Variants in DAB1 observed in about 807,000 individuals in gnomAD.
DAB1 encodes the protein DAB adaptor protein 1.
A neutral mutation model predicts 64.6 loss-of-function variants in DAB1; 15 were observed. The ratio of observed to expected loss-of-function variants is 0.23; its 90% confidence interval spans 0.16 to 0.36. DAB1 has a LOEUF of 0.36. Among genes scored for constraint, DAB1 ranks in the 10% least tolerant of loss-of-function variants. The pLI is 1.00. For synonymous variants in DAB1, 235 were observed against 251.9 expected (o/e 0.93, Z 0.64); for missense variants, 596 against 706.7 (o/e 0.84, Z 1.78).
At chr1:58,128,843 G>A (rs1331012633) in intron 5 of DAB1, among the ~76,000 whole-genome samples, 12 of 149,710 alleles carry the variant, frequency 8.0e-5, no homozygotes, top group African/African-American at 3.0e-4. Context: ...TTGATGTGCT[G>A]CTGGATTTGT....
At chr1:57,199,074 A>C (rs781303493) in intron 2 of DAB1, among the ~76,000 whole-genome samples, 1 of 152,172 alleles carries the variant, frequency 6.6e-6, no homozygotes, top group African/African-American at 2.4e-5. Context: ...AAATTTTTCC[A>C]ACAGGAACCT....
chr1:57,875,706 T>C (rs773198030), intron 1 of DAB1, among the ~76,000 whole-genome samples: 19 of 152,282 alleles, frequency 1.2e-4, no homozygotes, highest in East Asian at 9.6e-4. Context: ...AAAGAATAAA[T>C]GAATGAACTG....
chr1:57,069,652 T>C (rs1443428611), intron 7 of DAB1, among the ~76,000 whole-genome samples: 1 of 152,216 alleles, frequency 6.6e-6, no homozygotes, highest in Non-Finnish European at 1.5e-5. Flanking sequence ...CAGCAGTGAT[T>C]GCATCGAGCC....
chr1:58,078,964 G>A (rs1313792715), intron 5 of DAB1, among the ~76,000 whole-genome samples: 1 of 152,156 alleles, frequency 6.6e-6, no homozygotes, highest in East Asian at 1.9e-4. Flanking sequence ...ACTGGCCAAG[G>A]CCATCTGGAG....
chr1:58,536,587 T>C (rs760905670), intron 1 of DAB1: 35 of 872,782 alleles, frequency 4.0e-5, no homozygotes, highest in Middle Eastern at 2.2e-4. Context: ...CTTCCTGTGA[T>C]TGGACTTACT....
intron 4 of DAB1, among the ~76,000 whole-genome samples, chr1:57,119,912 C>T (rs1043381668): frequency 6.6e-6 from 1 of 152,144 alleles, no homozygotes; most frequent in Admixed American, 6.5e-5. Context: ...AAAAAACAAA[C>T]AGCAAATGAA....
intron 6 of DAB1, among the ~76,000 whole-genome samples, chr1:57,796,941 G>T (rs999254851): frequency 5.9e-5 from 9 of 152,160 alleles, no homozygotes; most frequent in African/African-American, 2.2e-4. Context: ...GCCTGGGGAG[G>T]CTAGTGGTTT....
chr1:58,029,314 T>G, intron 5 of DAB1, among the ~76,000 whole-genome samples: 1 of 152,188 alleles, frequency 6.6e-6, no homozygotes, highest in African/African-American at 2.4e-5. Flanking sequence ...TATATTTTAG[T>G]TAAAAGATCA....
chr1:57,716,384 A>C (rs1274845639), intron 6 of DAB1, among the ~76,000 whole-genome samples: 1 of 152,240 alleles, frequency 6.6e-6, no homozygotes, highest in Non-Finnish European at 1.5e-5. Flanking sequence ...TTGGCATAAA[A>C]ACTGAGATAT....
At chr1:57,294,215 A>T (rs1673010238) in intron 1 of DAB1, among the ~76,000 whole-genome samples, 1 of 152,222 alleles carries the variant, frequency 6.6e-6, no homozygotes, top group Non-Finnish European at 1.5e-5. Context: ...TATCAGTTAA[A>T]TTCAGGCTTG....
intron 7 of DAB1, among the ~76,000 whole-genome samples, chr1:57,581,918 T>C (rs183663567): frequency 1.9e-3 from 290 of 152,248 alleles, no homozygotes; most frequent in Admixed American, 4.0e-3. Flanking sequence ...TAAACAGGAA[T>C]TTATTTCTCA....
At chr1:58,206,608 T>C (rs559967548) in intron 4 of DAB1, among the ~76,000 whole-genome samples, 6 of 152,214 alleles carry the variant, frequency 3.9e-5, no homozygotes, top group Non-Finnish European at 8.8e-5. Flanking sequence ...CAAGCTTCCC[T>C]CAATTTCTAG....
At chr1:58,045,337 T>A (rs973808964) in intron 5 of DAB1, among the ~76,000 whole-genome samples, 2 of 152,160 alleles carry the variant, frequency 1.3e-5, no homozygotes, top group African/African-American at 4.8e-5. Context: ...GGGTAAGGGC[T>A]AATGGACTGC....
chr1:57,528,308 C>T (rs963192544), intron 7 of DAB1, among the ~76,000 whole-genome samples: 2 of 151,678 alleles, frequency 1.3e-5, no homozygotes, highest in African/African-American at 2.4e-5. Flanking sequence ...TGAGTAGAGG[C>T]CAATAGATAT....
chr1:58,508,188 A>G (rs2100420957), intron 2 of DAB1, among the ~76,000 whole-genome samples: 1 of 152,320 alleles, frequency 6.6e-6, no homozygotes. Flanking sequence ...TGAGATATCT[A>G]CTTTAATGTT....
At chr1:57,620,879 G>T (rs146110318) in intron 7 of DAB1, among the ~76,000 whole-genome samples, 35 of 152,314 alleles carry the variant, frequency 2.3e-4, no homozygotes, top group African/African-American at 7.7e-4. Context: ...CTTTGTTTGT[G>T]TTGCCTTCTG....
intron 4 of DAB1, among the ~76,000 whole-genome samples, chr1:58,244,297 T>C (rs1437505142): frequency 7.9e-5 from 12 of 152,222 alleles, no homozygotes; most frequent in Non-Finnish European, 1.5e-5. Flanking sequence ...GTTCTACTGC[T>C]GAGGAATTCT....
chr1:58,300,094 G>A (rs534103469), intron 4 of DAB1, among the ~76,000 whole-genome samples: 3 of 152,284 alleles, frequency 2.0e-5, no homozygotes, highest in East Asian at 1.9e-4. Context: ...AGGCAAAAAC[G>A]TGAATGCTCT....
chr1:57,147,167 A>G (rs764633418), intron 2 of DAB1, among the ~76,000 whole-genome samples: 2 of 151,968 alleles, frequency 1.3e-5, no homozygotes, highest in East Asian at 3.9e-4. Flanking sequence ...AGTAGCTGGG[A>G]CAACAGGCAC....
Sources: allele counts gnomAD v4.1 joint callset (sites outside exome capture counted in the v4.1 genomes callset), GRCh38; gene constraint gnomAD v4.1.1; transcripts MANE v1.5; gene names NCBI Gene and HGNC (gene_info 2026-07-23, HGNC 2026-07-21).